SLC66A2: variants seen among roughly 807,000 people sequenced by gnomAD.
SLC66A2 encodes the protein PQ loop repeat containing 1.
SLC66A2 carries 23 observed loss-of-function variants against 25.5 expected under a neutral mutation model. That is an observed-to-expected ratio of 0.90 (90% CI 0.65 to 1.28). The LOEUF (loss-of-function observed/expected upper bound fraction) is 1.28. Ranked by LOEUF, SLC66A2 falls within the 50% of genes most tolerant of loss-of-function variation. SLC66A2 has a pLI of 0.00. For missense variants in SLC66A2, 396 were observed against 373.1 expected (o/e 1.06, Z -0.51); for synonymous variants, 193 against 166.5 (o/e 1.16, Z -1.23).
At position 79,941,336 on chromosome 18, in the gene SLC66A2, C is replaced by T. The variant is rs908617331; in HGVS notation, c.337+1993G>A. Among the ~76,000 whole-genome samples, 7 of 152,178 alleles carry T rather than the reference C, an allele frequency of 4.6e-5. No individual in the cohort carries two copies. The highest frequency in any genetic ancestry group is 2.0e-4 in the Admixed American group (3 of 15,284). ...GAGGACCCCTGAGATTAGGTTACAC[C>T]ACAGGATAATCCAGGACCAGCCCCC... is the stretch of plus-strand genomic sequence containing the variant. On this transcript the variant is annotated intron_variant, in intron 3 of 5. Coordinates refer to ENST00000397778, the MANE Select transcript of SLC66A2 (RefSeq NM_025078.5). This position sits in a 1 kb window ranked among gnomAD's most constrained non-coding sequence, Gnocchi z 4.1.
Position 79,918,211 on chromosome 18 carries a change from C to A in SLC66A2, c.608+973G>T, listed in dbSNP as rs1355274263. On this transcript the variant is annotated intron_variant, in intron 5 of 5. Coordinates refer to ENST00000397778, the MANE Select transcript of SLC66A2 (RefSeq NM_025078.5). This position sits in a 1 kb window ranked among gnomAD's most constrained non-coding sequence, Gnocchi z 4.0. ...AAAGCCCTCAAGAGAGTGCTGTGGCCCCTGGGCACCCGTTCTCCAACACAA... is the reference window on the plus strand; with the variant it reads ...AAAGCCCTCAAGAGAGTGCTGTGGCACCTGGGCACCCGTTCTCCAACACAA... 6.6e-6 allele frequency among the ~76,000 whole-genome samples: 1 copy of A among 152,192 alleles called. No individual in the cohort carries two copies. The highest frequency in any genetic ancestry group is 1.5e-5 in the Non-Finnish European group (1 of 68,020).
Position 79,909,644 on chromosome 18 carries a change from C to A in SLC66A2, c.609-5461G>T, listed in dbSNP as rs189118665. Among the ~76,000 whole-genome samples, 112 of 107,150 alleles carry A rather than the reference C, an allele frequency of 1.0e-3. 1 individual carries two copies. Among genetic ancestry groups the A allele is most frequent in the African/African-American group, 3.7e-3 (109 of 29,846 alleles). The allele number at this position is 107,150 out of a possible 152,430, so 70.3% of individuals were successfully genotyped here. Reference sequence around the variant, plus strand: ...ACAGAGTCCGCAACCTTCCCCACATCCTCACCATAGAGTCCCCAACCTTCC... The same window carrying A: ...ACAGAGTCCGCAACCTTCCCCACATACTCACCATAGAGTCCCCAACCTTCC... On this transcript the variant is annotated intron_variant, in intron 5 of 5. Coordinates refer to ENST00000397778, the MANE Select transcript of SLC66A2 (RefSeq NM_025078.5).
At chr18:79,916,147 CGCGGCGCTCTCGTACCCGCA>C (rs1984054017) in intron 5 of SLC66A2, among the ~76,000 whole-genome samples, 3 of 67,476 alleles carry the variant, frequency 4.4e-5, no homozygotes, top group African/African-American at 8.1e-5. Context: ...CTCCCGTACC[CGCGGCGCTCTCGTACCCGCA>C]GTGCTCCCGT....
Position 79,950,840 on chromosome 18 carries a change from C to G in SLC66A2, c.87G>C (p.Gly29=), listed in dbSNP as rs370965811. Residue 29 remains glycine (G), a synonymous_variant, in exon 2 of 6, where the codon GGG becomes GGC. Coordinates refer to ENST00000397778, the MANE Select transcript of SLC66A2 (RefSeq NM_025078.5). ...GATACTGCGGGACGTAGGGCACCAC[C>G]CCTCCGAAGACCATGGCCGCGGCCG... ...WGAAAAMVFG[G]VVPYVPQYRD... is the part of the protein sequence containing the mutation. 6.0e-5 allele frequency: 97 copies of G among 1,612,110 alleles called. No individual in the cohort carries two copies. Among genetic ancestry groups the G allele is most frequent in the Middle Eastern group, 3.3e-4 (2 of 6,060 alleles).
Position 79,917,743 on chromosome 18 carries a change from T to C in SLC66A2, c.608+1441A>G, listed in dbSNP as rs1463626317. ...CCATGGACACCCTCTCGGGCCTCCA[T>C]GCACCCTCGCCCGAGAAACCCCAGC... On this transcript the variant is annotated intron_variant, in intron 5 of 5. Transcript: ENST00000397778. The surrounding 1 kb of genome is among the most constrained non-coding windows in gnomAD (Gnocchi z 6.0). Among the ~76,000 whole-genome samples, 1 of 151,886 alleles carries C rather than the reference T, an allele frequency of 6.6e-6. No individual in the cohort carries two copies. Among genetic ancestry groups the C allele is most frequent in the South Asian group, 2.1e-4 (1 of 4,830 alleles).
At chr18:79,905,240 C>T (rs564206541) in intron 5 of SLC66A2, among the ~76,000 whole-genome samples, 8 of 152,342 alleles carry the variant, frequency 5.3e-5, no homozygotes, top group Admixed American at 5.2e-4. Flanking sequence ...CCACTTGGGT[C>T]GGTTTAGCTA....
Position 79,916,208 on chromosome 18 carries a change from C to T in SLC66A2, c.608+2976G>A, listed in dbSNP as rs1416748419. Among the ~76,000 whole-genome samples the T allele has an allele frequency of 4.0e-5, 6 of 148,198 alleles. 1 individual carries two copies. Among genetic ancestry groups the T allele is most frequent in the African/African-American group, 1.5e-4 (6 of 40,182 alleles). Reference sequence around the variant, plus strand: ...CCCATACCCACGGTGCTCCCGTACCCGCGGCGCTCTTGTACCTGCGGCACT... The same window carrying T: ...CCCATACCCACGGTGCTCCCGTACCTGCGGCGCTCTTGTACCTGCGGCACT... On this transcript the variant is annotated intron_variant, in intron 5 of 5. Transcript: ENST00000397778.
chr18:79,939,207 G>A (rs946438096), intron 3 of SLC66A2, among the ~76,000 whole-genome samples: 4 of 152,044 alleles, frequency 2.6e-5, no homozygotes, highest in African/African-American at 7.2e-5. Context: ...TCATTAGGTC[G>A]TCTGACCATC....
At position 79,903,635 on chromosome 18, in the gene SLC66A2, C is replaced by T; in HGVS notation, c.*341G>A. The T allele has an allele frequency of 3.0e-6, 1 of 333,658 alleles. No homozygotes were observed. Among genetic ancestry groups the T allele is most frequent in the East Asian group, 7.0e-5 (1 of 14,226 alleles). The allele number at this position is 333,658 out of a possible 1,614,324, so 20.7% of individuals were successfully genotyped here. A position where few individuals can be genotyped will look rare whatever the true frequency, so the allele number is the denominator to read the frequency against. ...TCGCGGCTGCTGGCCCGTGTGTCCA[C>T]CTGGAGCAGGTTCCTGCAGGCCGCC... On this transcript the variant is annotated 3_prime_UTR_variant, in exon 6 of 6. Transcript: ENST00000397778.
rs2051103383 is a variant in SLC66A2 at position 79,951,013 on chromosome 18, G to C, written c.-87C>G. 1 of 1,070,646 alleles carries C rather than the reference G, an allele frequency of 9.3e-7. No homozygotes were observed. Among genetic ancestry groups the C allele is most frequent in the African/African-American group, 1.7e-5 (1 of 59,030 alleles). 66.3% of individuals were successfully genotyped at this position (1,070,646 alleles called of 1,614,324 possible). On this transcript the variant is annotated 5_prime_UTR_variant, in exon 2 of 6. Transcript: ENST00000397778. The stretch of plus-strand genomic sequence containing the variant: ...GCTCATCGCCGCTCCGCGCGCTCCT[G>C]CGGCCTCGGGGCCTGCGGGGAGCGG...
At chr18:79,911,257 T>A (rs1431905871) in intron 5 of SLC66A2, among the ~76,000 whole-genome samples, 3 of 152,218 alleles carry the variant, frequency 2.0e-5, no homozygotes, top group Non-Finnish European at 4.4e-5. Context: ...GGCCTGGACA[T>A]CTTTCCGTCC....
chr18:79,922,619 G>A (rs773469031), intron 4 of SLC66A2, among the ~76,000 whole-genome samples: 1 of 152,032 alleles, frequency 6.6e-6, no homozygotes, highest in Non-Finnish European at 1.5e-5. Flanking sequence ...TCAGAAATTA[G>A]CAAATTAAAG....
chr18:79,933,824 T>G, intron 4 of SLC66A2, 145 bp downstream of exon 4: 1 of 643,924 alleles, frequency 1.6e-6, no homozygotes, highest in Non-Finnish European at 2.8e-6. Context: ...GAGCTAGGAG[T>G]TGATTAGTTT....
rs182282229 is a variant in SLC66A2, at chr18:79,918,609, C to T, written c.608+575G>A. On this transcript the variant is annotated intron_variant, in intron 5 of 5. Transcript: ENST00000397778. The surrounding 1 kb of genome is among the most constrained non-coding windows in gnomAD (Gnocchi z 4.0). Reference sequence around the variant, plus strand: ...TTCCATCCAGGACCTTGACTGAGCCCGTGGGCATCATGCTGCTCGCGTTGT... The same window carrying T: ...TTCCATCCAGGACCTTGACTGAGCCTGTGGGCATCATGCTGCTCGCGTTGT... Among the ~76,000 whole-genome samples, 8 of 152,360 alleles carry T rather than the reference C, an allele frequency of 5.3e-5. No individual in the cohort carries two copies. The East Asian group carries it at 9.6e-4, about 18-fold the overall frequency.
intron 3 of SLC66A2, among the ~76,000 whole-genome samples, chr18:79,936,928 C>T (rs1022173789): frequency 6.6e-6 from 1 of 152,122 alleles, no homozygotes; most frequent in Non-Finnish European, 1.5e-5. Context: ...CTCAGACTGC[C>T]GTGCACAGAG....
chr18:79,949,090 C>T (rs913607567), intron 2 of SLC66A2, among the ~76,000 whole-genome samples: 7 of 152,176 alleles, frequency 4.6e-5, no homozygotes, highest in South Asian at 2.1e-4. Context: ...AATCCTCCTC[C>T]GAGGTCGTTG....
intron 2 of SLC66A2, among the ~76,000 whole-genome samples, chr18:79,946,435 C>G (rs2050928993): frequency 6.6e-6 from 1 of 152,254 alleles, no homozygotes; most frequent in Non-Finnish European, 1.5e-5. Context: ...TAGGAGAGCA[C>G]TTTTCCTCTC....
rs970541203 is a variant in SLC66A2 at position 79,918,441 on chromosome 18, G to A, written c.608+743C>T. On this transcript the variant is annotated intron_variant, in intron 5 of 5. Coordinates refer to ENST00000397778, the MANE Select transcript of SLC66A2 (RefSeq NM_025078.5). The surrounding 1 kb of genome is among the most constrained non-coding windows in gnomAD (Gnocchi z 4.0). ...GGCCCGGGGGGGGGTCCCCAGTGAGGAGCGGGCACCGGGGAGGGTCCCCAG... is the reference window on the plus strand; with the variant it reads ...GGCCCGGGGGGGGGTCCCCAGTGAGAAGCGGGCACCGGGGAGGGTCCCCAG... 6.0e-5 allele frequency among the ~76,000 whole-genome samples: 9 copies of A among 149,720 alleles called. No homozygotes were observed. The highest frequency in any genetic ancestry group is 2.2e-4 in the African/African-American group (9 of 40,566).
chr18:79,925,314 A>C (rs746074161), intron 4 of SLC66A2, among the ~76,000 whole-genome samples: 2 of 152,196 alleles, frequency 1.3e-5, no homozygotes, highest in African/African-American at 2.4e-5. Flanking sequence ...CAAGAACAAA[A>C]GGGCAAGAAC....
Sources: gnomAD v4.1 joint callset for allele counts (sites outside exome capture counted in the v4.1 genomes callset) on GRCh38, gnomAD v4.1.1 for gene constraint, Gnocchi (gnomAD v3.1) non-coding constraint, MANE v1.5 for transcripts, NCBI Gene and HGNC (gene_info 2026-07-23, HGNC 2026-07-21) for gene names.